Variants in CTTNBP2NL observed in about 807,000 individuals in gnomAD.
CTTNBP2NL encodes CTTNBP2 N-terminal like.
CTTNBP2NL carries 16 observed loss-of-function variants against 32.5 expected under a neutral mutation model. The observed-to-expected ratio is 0.49, with a 90% CI of 0.33 to 0.75. The LOEUF (loss-of-function observed/expected upper bound fraction) is 0.75. Ranked by LOEUF, CTTNBP2NL falls within the 30% of genes least tolerant of loss-of-function variation. CTTNBP2NL has a pLI of 0.02. For synonymous variants in CTTNBP2NL, 298 were observed against 289.4 expected, an observed-to-expected ratio of 1.03 and a Z score of -0.30; for missense variants, 645 against 756.0, an observed-to-expected ratio of 0.85 and a Z score of 1.72.
chr1:112,408,297 C>T (rs1457989539), intron 1 of CTTNBP2NL, among the ~76,000 whole-genome samples: 1 of 140,508 alleles, frequency 7.1e-6, no homozygotes, highest in Non-Finnish European at 1.5e-5. Context: ...TCCTGTTTGG[C>T]CTCCCAAAGT....
At chr1:112,396,120 G>C (rs1052519805), upstream of CTTNBP2NL, 1 of 152,292 alleles carries the variant, frequency 6.6e-6, no homozygotes, top group African/African-American at 2.4e-5. Context: ...GCCTCCAGCC[G>C]GCGCGGATTG....
chr1:112,433,968 G>A (rs1190638142), intron 3 of CTTNBP2NL, among the ~76,000 whole-genome samples: 4 of 151,892 alleles, frequency 2.6e-5, no homozygotes, highest in African/African-American at 9.7e-5. Context: ...GAACTCCTGG[G>A]CTCAGGCAGT....
At chr1:112,411,255 C>T (rs1037463545) in intron 1 of CTTNBP2NL, among the ~76,000 whole-genome samples, 3 of 152,204 alleles carry the variant, frequency 2.0e-5, no homozygotes, top group African/African-American at 7.2e-5. Context: ...CCCCATTTGA[C>T]TGTTAGGTTT....
chr1:112,404,408 A>G (rs1246206432), intron 1 of CTTNBP2NL, among the ~76,000 whole-genome samples: 1 of 152,230 alleles, frequency 6.6e-6, no homozygotes, highest in Non-Finnish European at 1.5e-5. Context: ...GCTAAAACAC[A>G]GATTCCTTAA....
chr1:112,434,382 C>G (rs1157962804), intron 3 of CTTNBP2NL, among the ~76,000 whole-genome samples: 1 of 152,200 alleles, frequency 6.6e-6, no homozygotes, highest in East Asian at 1.9e-4. Flanking sequence ...AACCTAAATA[C>G]TTCAAAGTAT....
At chr1:112,449,657 T>C (rs1650161269) in intron 4 of CTTNBP2NL, among the ~76,000 whole-genome samples, 1 of 152,176 alleles carries the variant, frequency 6.6e-6, no homozygotes. Flanking sequence ...CATTGCATTT[T>C]GTTGCTCATG....
In CTTNBP2NL at chr1:112,460,545, T is replaced by A. The variant is rs141469342; in HGVS notation, c.*3133T>A. The A allele has an allele frequency of 6.6e-6, 1 of 152,228 alleles. No homozygotes were observed. The highest frequency in any genetic ancestry group is 2.4e-5 in the African/African-American group (1 of 41,464). 9.4% of individuals were successfully genotyped at this position (152,228 alleles called of 1,614,324 possible). A position where few individuals can be genotyped will look rare whatever the true frequency, so the allele number is the denominator to read the frequency against. On this transcript the variant is annotated 3_prime_UTR_variant, in exon 6 of 6. Transcript: ENST00000271277. ...CCCTAGAAAAATGAATATGCCTATA[T>A]GCAAAATTTGTTTGATGGCTTCATA...
intron 3 of CTTNBP2NL, among the ~76,000 whole-genome samples, chr1:112,425,318 A>G (rs909869350): frequency 2.6e-5 from 4 of 151,736 alleles, no homozygotes; most frequent in Admixed American, 1.3e-4. Context: ...TAAAAGTACA[A>G]AAATTAGCCG....
Position 112,459,299 on chromosome 1 carries a change from C to T in CTTNBP2NL, c.*1887C>T, listed in dbSNP as rs1202098402. The T allele has an allele frequency of 1.3e-5, 2 of 152,212 alleles. No homozygotes were observed. The highest frequency in any genetic ancestry group is 2.9e-5 in the Non-Finnish European group (2 of 68,064). 9.4% of individuals were successfully genotyped at this position (152,212 alleles called of 1,614,324 possible). On this transcript the variant is annotated 3_prime_UTR_variant, in exon 6 of 6. Coordinates refer to ENST00000271277, the MANE Select transcript of CTTNBP2NL (RefSeq NM_018704.3). ...CATAGAATATAATGGCTATCCCCCT[C>T]TGCCAAATAAGACTATCCACAACCC...
At chr1:112,441,892 C>T (rs1649901159) in intron 3 of CTTNBP2NL, among the ~76,000 whole-genome samples, 1 of 152,102 alleles carries the variant, frequency 6.6e-6, no homozygotes, top group Non-Finnish European at 1.5e-5. Flanking sequence ...AGGTATGCAT[C>T]TTCCCATTGT....
chr1:112,393,047 G>A (rs1431824842), upstream of CTTNBP2NL, among the ~76,000 whole-genome samples: 26 of 152,076 alleles, frequency 1.7e-4, no homozygotes, highest in Admixed American at 1.4e-3. Context: ...TAGTAGAGAC[G>A]GGGTTTCACC....
intron 3 of CTTNBP2NL, among the ~76,000 whole-genome samples, chr1:112,418,756 A>G (rs1287242119): frequency 1.3e-5 from 2 of 152,162 alleles, no homozygotes; most frequent in African/African-American, 4.8e-5. Flanking sequence ...AAGCAAATCT[A>G]GTAAATGGCT....
intron 1 of CTTNBP2NL, among the ~76,000 whole-genome samples, chr1:112,401,380 A>G (rs1416572779): frequency 6.6e-6 from 1 of 152,110 alleles, no homozygotes; most frequent in South Asian, 2.1e-4. Flanking sequence ...CCAAGGAAAA[A>G]AGAAAGGCAA....
intron 1 of CTTNBP2NL, among the ~76,000 whole-genome samples, chr1:112,398,135 A>G (rs2100987614): frequency 6.6e-6 from 1 of 152,394 alleles, no homozygotes; most frequent in South Asian, 2.1e-4. Context: ...TATTATATCA[A>G]CAGAGAACAG....
At chr1:112,418,714 G>A (rs1331131053) in intron 3 of CTTNBP2NL, among the ~76,000 whole-genome samples, 1 of 152,112 alleles carries the variant, frequency 6.6e-6, no homozygotes, top group Non-Finnish European at 1.5e-5. Flanking sequence ...GAACCACATA[G>A]TTCAGCAGGA....
At position 112,460,784 on chromosome 1, in the gene CTTNBP2NL, A is replaced by G. The variant is rs955620114; in HGVS notation, c.*3372A>G. The G allele has an allele frequency of 6.6e-6, 1 of 152,246 alleles. No homozygotes were observed. Among genetic ancestry groups the G allele is most frequent in the Non-Finnish European group, 1.5e-5 (1 of 68,044 alleles). 9.4% of individuals were successfully genotyped at this position (152,246 alleles called of 1,614,324 possible). A position where few individuals can be genotyped will look rare whatever the true frequency, so the allele number is the denominator to read the frequency against. On this transcript the variant is annotated 3_prime_UTR_variant, in exon 6 of 6. Coordinates refer to ENST00000271277, the MANE Select transcript of CTTNBP2NL (RefSeq NM_018704.3). ...ATGTTCAAATAGTGTGGATGTTTACATATCTGAAGTTTTCAGCATTTAAGC... is the reference window on the plus strand; with the variant it reads ...ATGTTCAAATAGTGTGGATGTTTACGTATCTGAAGTTTTCAGCATTTAAGC...
intron 3 of CTTNBP2NL, among the ~76,000 whole-genome samples, chr1:112,429,098 T>A (rs2101014030): frequency 6.6e-6 from 1 of 152,354 alleles, no homozygotes; most frequent in East Asian, 1.9e-4. Flanking sequence ...AGTGTTTCTA[T>A]GTGTGATATG....
chr1:112,425,983 GTGTGTGTGTGTGTGTGTGTGTC>G (rs1395081117), intron 3 of CTTNBP2NL, among the ~76,000 whole-genome samples: 16 of 126,444 alleles, frequency 1.3e-4, no homozygotes, highest in South Asian at 3.3e-4. Context: ...GTGTGTGTGT[GTGTGTGTGTGTGTGTGTGTGTC>G]TGTCTGTCTT....
At chr1:112,437,520 T>C (rs1382022725) in intron 3 of CTTNBP2NL, among the ~76,000 whole-genome samples, 2 of 152,048 alleles carry the variant, frequency 1.3e-5, no homozygotes, top group Non-Finnish European at 2.9e-5. Context: ...TTCCTTTGTT[T>C]TTTTTTGTTT....
Sources: gnomAD v4.1 joint callset for allele counts (sites outside exome capture counted in the v4.1 genomes callset) on GRCh38, gnomAD v4.1.1 for gene constraint, MANE v1.5 for transcripts, NCBI Gene and HGNC (gene_info 2026-07-23, HGNC 2026-07-21) for gene names.